SLC30A5: variants seen among roughly 807,000 people sequenced by gnomAD.
SLC30A5 encodes the protein solute carrier family 30 member 5.
In SLC30A5, 33 loss-of-function variants were observed where a neutral mutation model predicts 79.6. The ratio of observed to expected loss-of-function variants is 0.41; its 90% CI spans 0.31 to 0.55. The LOEUF (loss-of-function observed/expected upper bound fraction) is 0.55. SLC30A5 is among the 20% of genes least tolerant of loss of function. The probability of loss-of-function intolerance (pLI) is 0.20; values close to 1 mark genes in which losing one functional copy is unlikely to be tolerated. For missense variants in SLC30A5, 788 were observed against 928.1 expected, an observed-to-expected ratio of 0.85 and a Z score of 1.96; for synonymous variants, 299 against 319.7, an observed-to-expected ratio of 0.94 and a Z score of 0.69.
At chr5:69,118,367 T>G in intron 11 of SLC30A5, 132 bp from the exon 12 acceptor site, 1 of 432,178 alleles carries the variant, frequency 2.3e-6, no homozygotes. Context: ...ATATGATATT[T>G]AAAATATTGC....
chr5:69,112,608 A>G (rs1313430863), intron 5 of SLC30A5, among the ~76,000 whole-genome samples: 2 of 141,468 alleles, frequency 1.4e-5, no homozygotes, highest in South Asian at 2.2e-4. Context: ...GATCTGTCTG[A>G]AAAAAAAAAA....
At chr5:69,106,606 C>T (rs895566446) in intron 4 of SLC30A5, among the ~76,000 whole-genome samples, 19 of 152,148 alleles carry the variant, frequency 1.2e-4, no homozygotes, top group African/African-American at 4.3e-4. Flanking sequence ...CCCAGAAGTT[C>T]GAGACCAGCC....
chr5:69,104,580 T>C, intron 3 of SLC30A5, 51 bp from the exon 4 acceptor site: 1 of 1,469,522 alleles, frequency 6.8e-7, no homozygotes, highest in Non-Finnish European at 9.1e-7. Flanking sequence ...TTTGGATATA[T>C]AGCAAAATAT....
rs193162200 is a variant in SLC30A5, at chr5:69,094,609, G to A, written c.83+271G>A. On this transcript the variant is annotated intron_variant, in intron 1 of 15. Coordinates refer to ENST00000396591, the MANE Select transcript of SLC30A5 (RefSeq NM_022902.5). ...GTCTTAGAACTGCCCGCCAGTTCAC[G>A]TGAGAGGTTTTTCTGATCTGTGAGA... 1.2e-3 allele frequency among the ~76,000 whole-genome samples: 181 copies of A among 152,258 alleles called. 1 individual carries two copies. Among genetic ancestry groups the A allele is most frequent in the African/African-American group, 4.1e-3 (170 of 41,562 alleles).
chr5:69,105,869 G>A (rs1408920943), intron 4 of SLC30A5, among the ~76,000 whole-genome samples: 2 of 152,222 alleles, frequency 1.3e-5, no homozygotes, highest in Non-Finnish European at 2.9e-5. Context: ...GTGCATGGGA[G>A]GGATATCTAG....
intron 1 of SLC30A5, among the ~76,000 whole-genome samples, chr5:69,097,560 T>G (rs1173014675): frequency 6.6e-6 from 1 of 152,214 alleles, no homozygotes; most frequent in Non-Finnish European, 1.5e-5. Flanking sequence ...CTCAAACTCC[T>G]GGGCTTAAGC....
intron 7 of SLC30A5, among the ~76,000 whole-genome samples, chr5:69,114,794 G>A (rs993043004): frequency 1.7e-4 from 26 of 152,198 alleles, no homozygotes; most frequent in Non-Finnish European, 2.9e-4. Flanking sequence ...GAACCCGGGA[G>A]GCCGAGGTTG....
rs756998223 is a variant in SLC30A5, at chr5:69,100,945, G to GA, written c.206+16_206+17insA. The GA allele has an allele frequency of 1.4e-6, 2 of 1,434,206 alleles. No homozygotes were observed. The highest frequency in any genetic ancestry group is 1.4e-5 in the South Asian group (1 of 71,426). 88.8% of individuals were successfully genotyped at this position (1,434,206 alleles called of 1,614,324 possible). ...TAAAACTTGGGTGAGTGTGGGGGGG[G>GA]GTTTTTTCTTGATATTTTTTATTTC... On this transcript the variant is annotated intron_variant, in intron 2 of 15. Transcript: ENST00000396591.
At chr5:69,105,709 A>G (rs1297011538) in intron 4 of SLC30A5, among the ~76,000 whole-genome samples, 2 of 151,934 alleles carry the variant, frequency 1.3e-5, no homozygotes, top group East Asian at 3.9e-4. Flanking sequence ...CCCTGGCTAT[A>G]GACCAGTATG....
In SLC30A5 at chr5:69,127,090, C is replaced by T. The variant is rs566337486; in HGVS notation, c.1999-914C>T. Among the ~76,000 whole-genome samples, 602 of 152,196 alleles carry T rather than the reference C, an allele frequency of 4.0e-3. 8 individuals are homozygous for T. The highest frequency in any genetic ancestry group is 0.013 in the African/African-American group (558 of 41,528). Reference sequence around the variant, plus strand: ...TAATATTCTAATACATTGTTAATGACTGCATTATTACATTGTATGGGCAGT... The same window carrying T: ...TAATATTCTAATACATTGTTAATGATTGCATTATTACATTGTATGGGCAGT... On this transcript the variant is annotated intron_variant, in intron 14 of 15. Transcript: ENST00000396591.
At chr5:69,094,402 C>T in intron 1 of SLC30A5, 64 bp downstream of exon 1, 2 of 1,239,304 alleles carry the variant, frequency 1.6e-6, no homozygotes, top group Middle Eastern at 2.3e-4. Context: ...TCTCCGGCCT[C>T]CCTCCGGTCT....
intron 12 of SLC30A5, among the ~76,000 whole-genome samples, chr5:69,120,328 A>G (rs887483922): frequency 6.6e-6 from 1 of 151,842 alleles, no homozygotes; most frequent in African/African-American, 2.4e-5. Flanking sequence ...AGGTTGCAAT[A>G]AGCCGAGATC....
chr5:69,096,879 G>C (rs1172125371), intron 1 of SLC30A5, among the ~76,000 whole-genome samples: 1 of 151,800 alleles, frequency 6.6e-6, no homozygotes, highest in Non-Finnish European at 1.5e-5. Flanking sequence ...AGGATCACTT[G>C]AGCCTGGGAG....
intron 14 of SLC30A5, among the ~76,000 whole-genome samples, chr5:69,125,620 G>C (rs79895898): frequency 0.24 from 35,781 of 150,912 alleles, 4,678 homozygotes; most frequent in East Asian, 0.33. Context: ...CGGATCACAA[G>C]GTCAGGAGAT....
intron 4 of SLC30A5, among the ~76,000 whole-genome samples, chr5:69,105,682 CAG>C (rs1400002734): frequency 6.6e-6 from 1 of 151,934 alleles, no homozygotes; most frequent in African/African-American, 2.4e-5. Flanking sequence ...TGTTCTAAAG[CAG>C]AGAGATCCCC....
At chr5:69,111,047 G>A (rs1321903677) in intron 5 of SLC30A5, among the ~76,000 whole-genome samples, 1 of 150,780 alleles carries the variant, frequency 6.6e-6, no homozygotes, top group Admixed American at 6.6e-5. Flanking sequence ...AGGCTGGAGT[G>A]CAGTGGCACC....
chr5:69,095,649 A>C (rs1745706099), intron 1 of SLC30A5, among the ~76,000 whole-genome samples: 1 of 152,252 alleles, frequency 6.6e-6, no homozygotes, highest in Non-Finnish European at 1.5e-5. Context: ...TTCTTGAGAC[A>C]TGACAACTAA....
In SLC30A5 at chr5:69,114,503, T is replaced by C. The variant is rs780766395; in HGVS notation, c.612+7T>C. Reference sequence around the variant, plus strand: ...AGGTGTGGCAGATCACAAGGTATGATTTCTTTGTTCCTAACAGGATCAAAA... The same window carrying C: ...AGGTGTGGCAGATCACAAGGTATGACTTCTTTGTTCCTAACAGGATCAAAA... On this transcript the variant is annotated splice_region_variant and intron_variant, in intron 7 of 15. Coordinates refer to ENST00000396591, the MANE Select transcript of SLC30A5 (RefSeq NM_022902.5). The C allele has an allele frequency of 1.9e-6, 3 of 1,544,482 alleles. No individual in the cohort carries two copies. Among genetic ancestry groups the C allele is most frequent in the Non-Finnish European group, 2.7e-6 (3 of 1,119,044 alleles).
intron 1 of SLC30A5, 152 bp from the exon 2 acceptor site, chr5:69,100,655 A>T: frequency 2.0e-6 from 1 of 504,462 alleles, no homozygotes; most frequent in Non-Finnish European, 3.5e-6. Flanking sequence ...TATCACGTGG[A>T]TGGTGAGTTG....
Sources: allele counts gnomAD v4.1 joint callset (sites outside exome capture counted in the v4.1 genomes callset), GRCh38; gene constraint gnomAD v4.1.1; transcripts MANE v1.5; gene names NCBI Gene and HGNC (gene_info 2026-07-23, HGNC 2026-07-21).